The following NAALADL2 variants were observed in gnomAD, a reference collection of about 807,000 sequenced individuals.
NAALADL2 encodes the protein N-acetylated alpha-linked acidic dipeptidase like 2, also known as inactive N-acetylated-alpha-linked acidic dipeptidase-like protein 2.
A neutral mutation model predicts 87.2 loss-of-function variants in NAALADL2; 76 were observed. That is an observed-to-expected ratio of 0.87 (90% CI 0.72 to 1.05). The LOEUF is 1.05. Among genes scored for constraint, NAALADL2 ranks in the 50% least tolerant of loss-of-function variants. The probability of loss-of-function intolerance (pLI) is 0.00; values close to 1 mark genes in which losing one functional copy is unlikely to be tolerated. For missense variants in NAALADL2, 1,089 were observed against 945.8 expected (o/e 1.15, Z -1.99); for synonymous variants, 354 against 331.0 (o/e 1.07, Z -0.75).
intron 2 of NAALADL2, among the ~76,000 whole-genome samples, chr3:174,570,188 A>C (rs1016881590): frequency 6.6e-6 from 1 of 151,368 alleles, no homozygotes; most frequent in Non-Finnish European, 1.5e-5. Flanking sequence ...GTTCCAGTAC[A>C]TTTATTGATT....
chr3:174,509,010 G>C (rs531109361), intron 1 of NAALADL2, among the ~76,000 whole-genome samples: 1 of 151,856 alleles, frequency 6.6e-6, no homozygotes, highest in Admixed American at 6.6e-5. Context: ...TAGTATCTTC[G>C]TGTGGATTCC....
intron 2 of NAALADL2, among the ~76,000 whole-genome samples, chr3:174,707,165 G>A (rs1391465782): frequency 3.3e-5 from 5 of 152,172 alleles, no homozygotes; most frequent in African/African-American, 1.2e-4. Flanking sequence ...GAGAGGATGT[G>A]GAGAAATTGG....
chr3:175,157,338 A>AT (rs1174294208), intron 2 of NAALADL2, among the ~76,000 whole-genome samples: 2 of 151,984 alleles, frequency 1.3e-5, no homozygotes, highest in Admixed American at 6.6e-5. Flanking sequence ...TTGCTTAAGT[A>AT]TTTTTTCTAT....
At chr3:175,593,727 T>A (rs1721855474) in intron 10 of NAALADL2, among the ~76,000 whole-genome samples, 1 of 151,996 alleles carries the variant, frequency 6.6e-6, no homozygotes, top group Non-Finnish European at 1.5e-5. Context: ...TCTGCTTTTG[T>A]GTCCAAATTT....
chr3:174,765,292 C>T (rs1038596984), intron 3 of NAALADL2, among the ~76,000 whole-genome samples: 2 of 152,134 alleles, frequency 1.3e-5, no homozygotes, highest in African/African-American at 2.4e-5. Context: ...GAGGAATACA[C>T]ATTTTTATTG....
At chr3:175,622,363 G>A (rs577945567) in intron 10 of NAALADL2, among the ~76,000 whole-genome samples, 1 of 152,164 alleles carries the variant, frequency 6.6e-6, no homozygotes, top group South Asian at 2.1e-4. Context: ...TCACTTAATT[G>A]ATATACGTGA....
At chr3:175,118,149 AC>A (rs1216566353) in intron 2 of NAALADL2, among the ~76,000 whole-genome samples, 1 of 151,758 alleles carries the variant, frequency 6.6e-6, no homozygotes, top group Non-Finnish European at 1.5e-5. Context: ...TAGGAGATAT[AC>A]CTAATGTAAA....
intron 1 of NAALADL2, among the ~76,000 whole-genome samples, chr3:175,018,225 C>T (rs1751101817): frequency 6.6e-6 from 1 of 151,978 alleles, no homozygotes; most frequent in South Asian, 2.1e-4. Flanking sequence ...TGTAAAACAT[C>T]CATCAAATAC....
chr3:175,464,423 CAAAA>C (rs11299560), intron 7 of NAALADL2, among the ~76,000 whole-genome samples: 2 of 97,134 alleles, frequency 2.1e-5, no homozygotes, highest in South Asian at 3.4e-4. Context: ...GACTCCATCT[CAAAA>C]AAAAAAAAAA....
In NAALADL2 at chr3:175,419,751, GAA is replaced by G. The variant is rs559504888; in HGVS notation, c.1091-27472_1091-27471del. On this transcript the variant is annotated intron_variant, in intron 5 of 13. Transcript: ENST00000454872. ...AAATTTCTGCTGAGTCTGGAATATA[GAA>G]AAAAAGTGAGAAGAGTGTTATATTG... 1.1e-3 allele frequency among the ~76,000 whole-genome samples: 162 copies of G among 151,954 alleles called. 2 individuals carry two copies. Among genetic ancestry groups the G allele is most frequent in the Middle Eastern group, 0.01 (3 of 292 alleles).
In NAALADL2 at chr3:175,806,299, G is replaced by C. The variant is rs6779251; in HGVS notation, c.*3096G>C. The stretch of plus-strand genomic sequence containing the variant: ...ACAGAACACCAGAAGTCAGGAAGAA[G>C]GACATTGAGCAAAATATATCTGTAA... On this transcript the variant is annotated 3_prime_UTR_variant, in exon 14 of 14. Transcript: ENST00000454872. 0.15 allele frequency: 23,497 copies of C among 151,714 alleles called. 2,379 individuals are homozygous for C. The highest frequency in any genetic ancestry group is 0.31 in the East Asian group (1,586 of 5,136). The allele number at this position is 151,714 out of a possible 1,614,324, so 9.4% of individuals were successfully genotyped here.
At chr3:175,458,556 T>C (rs1027743599) in intron 6 of NAALADL2, among the ~76,000 whole-genome samples, 2 of 147,896 alleles carry the variant, frequency 1.4e-5, no homozygotes, top group African/African-American at 2.4e-5. Context: ...TTAAAATATA[T>C]TAAATTTTAT....
chr3:175,401,940 G>T (rs572985134), intron 5 of NAALADL2, among the ~76,000 whole-genome samples: 1 of 152,106 alleles, frequency 6.6e-6, no homozygotes, highest in South Asian at 2.1e-4. Flanking sequence ...TTTGGTGGCA[G>T]GAGATGTTAA....
chr3:174,709,329 TTATAA>T (rs1399318973), intron 2 of NAALADL2, among the ~76,000 whole-genome samples: 1 of 152,156 alleles, frequency 6.6e-6, no homozygotes, highest in Non-Finnish European at 1.5e-5. Context: ...ATGTTCATTG[TTATAA>T]TATAAAAATA....
intron 4 of NAALADL2, among the ~76,000 whole-genome samples, chr3:175,291,528 T>C (rs1312253198): frequency 6.6e-6 from 1 of 152,142 alleles, no homozygotes; most frequent in Non-Finnish European, 1.5e-5. Context: ...TACCTGGGGT[T>C]ATATATGTTA....
chr3:175,755,105 C>A, intron 12 of NAALADL2, 115 bp from the exon 13 acceptor site: 1 of 793,720 alleles, frequency 1.3e-6, no homozygotes, highest in Non-Finnish European at 2.0e-6. Context: ...ATGACAATTT[C>A]CTCTTCCTTC....
chr3:175,491,224 TTTA>T (rs1316575895), intron 9 of NAALADL2, among the ~76,000 whole-genome samples: 1 of 149,992 alleles, frequency 6.7e-6, no homozygotes, highest in Non-Finnish European at 1.5e-5. Flanking sequence ...TAAATATTAT[TTTA>T]TTGTCCTATA....
intron 10 of NAALADL2, among the ~76,000 whole-genome samples, chr3:175,625,241 T>A (rs968753983): frequency 6.6e-6 from 1 of 151,994 alleles, no homozygotes; most frequent in Non-Finnish European, 1.5e-5. Context: ...CCACATAACC[T>A]CAGGTCTATT....
intron 5 of NAALADL2, among the ~76,000 whole-genome samples, chr3:175,325,970 G>T (rs191459280): frequency 1.3e-5 from 2 of 151,962 alleles, no homozygotes; most frequent in East Asian, 3.9e-4. Context: ...TACATTACAA[G>T]GTTGCAATTT....
Sources: allele counts gnomAD v4.1 joint callset (sites outside exome capture counted in the v4.1 genomes callset), GRCh38; gene constraint gnomAD v4.1.1; transcripts MANE v1.5; gene names NCBI Gene and HGNC (gene_info 2026-07-23, HGNC 2026-07-21).